PHLDB2: variants seen among roughly 807,000 people sequenced by gnomAD.
The protein encoded by PHLDB2 is pleckstrin homology like domain family B member 2.
Under a neutral mutation model 123.6 loss-of-function variants are expected in PHLDB2, and 71 were observed. The ratio of observed to expected loss-of-function variants is 0.57; its 90% CI spans 0.47 to 0.70. The LOEUF is 0.70. Ranked by LOEUF, PHLDB2 falls within the 30% of genes least tolerant of loss-of-function variation. The probability of loss-of-function intolerance (pLI) is 0.00; values close to 1 mark genes in which losing one functional copy is unlikely to be tolerated. For missense variants in PHLDB2, 1,446 were observed against 1,519.5 expected, an observed-to-expected ratio of 0.95 and a Z score of 0.80; for synonymous variants, 547 against 541.6, an observed-to-expected ratio of 1.01 and a Z score of -0.14.
At position 111,939,604 on chromosome 3, in the gene PHLDB2, T is replaced by C; in HGVS notation, c.2260T>C (p.Tyr754His). 3.1e-6 allele frequency: 5 copies of C among 1,612,178 alleles called. No individual in the cohort carries two copies. Among genetic ancestry groups the C allele is most frequent in the Non-Finnish European group, 4.2e-6 (5 of 1,179,514 alleles). The change falls in exon 7 of 18, where the codon TAT (tyrosine) becomes CAT (histidine). Residue 754 changes from tyrosine to histidine, a missense_variant. Tyr to His is a moderately conservative substitution (Grantham distance 83). Transcript: ENST00000431670. ...TQQLLREVAE[Y>H]QRNIVSRKEK... ...ACAGCTCCTGCGTGAAGTTGCTGAA[T>C]ATCAACGGAACATCGTTTCTAGAAA...
At chr3:111,753,931 G>C (rs965029907) in intron 1 of PHLDB2, among the ~76,000 whole-genome samples, 11 of 152,218 alleles carry the variant, frequency 7.2e-5, no homozygotes, top group Middle Eastern at 3.4e-3. Flanking sequence ...GCTTGTTTTT[G>C]TCAGGTTTGT....
intron 1 of PHLDB2, among the ~76,000 whole-genome samples, chr3:111,818,051 C>T (rs1309446417): frequency 6.6e-6 from 1 of 151,830 alleles, no homozygotes; most frequent in Admixed American, 6.6e-5. Flanking sequence ...AGATTGATCT[C>T]TTGTGAAAAA....
Position 111,966,631 on chromosome 3 carries a change from T to C in PHLDB2, c.3096T>C (p.Ile1032=), listed in dbSNP as rs758557096. Residue 1032 remains isoleucine (I), a synonymous_variant, in exon 14 of 18, where the codon ATT becomes ATC. Transcript: ENST00000431670. ...DNISSASTSN[I]ARIEEMERLL... ...CATTCAGTGCCAGCACTTCAAATAT[T>C]GCTAGAATAGAAGAAATGGAGAGAC... The C allele has an allele frequency of 1.1e-5, 18 of 1,612,886 alleles. No homozygotes were observed. In the African/African-American group the frequency reaches 1.9e-4, roughly 17 times the overall value.
intron 1 of PHLDB2, among the ~76,000 whole-genome samples, chr3:111,870,858 A>G (rs1037379413): frequency 6.6e-6 from 1 of 152,220 alleles, no homozygotes; most frequent in Non-Finnish European, 1.5e-5. Context: ...GTGGACCACC[A>G]GTGTGCGGGG....
rs145202946 is a variant in PHLDB2, at chr3:111,791,173, C to T, written c.-48-54648C>T. Among the ~76,000 whole-genome samples, 306 of 152,262 alleles carry T rather than the reference C, an allele frequency of 2.0e-3. 2 individuals are homozygous for T. Among genetic ancestry groups the T allele is most frequent in the African/African-American group, 7.0e-3 (290 of 41,538 alleles). On this transcript the variant is annotated intron_variant, in intron 1 of 17. Coordinates refer to the PHLDB2 transcript ENST00000393923. Reference sequence around the variant, plus strand: ...ACTGTAGGTGAATGTTTGTTCTTAACCAATATTCTTTTGTTATAATAAATT... The same window carrying T: ...ACTGTAGGTGAATGTTTGTTCTTAATCAATATTCTTTTGTTATAATAAATT...
At chr3:111,941,743 G>A (rs1032055032) in intron 8 of PHLDB2, among the ~76,000 whole-genome samples, 11 of 152,150 alleles carry the variant, frequency 7.2e-5, no homozygotes, top group African/African-American at 2.7e-4. Flanking sequence ...GGAGGCAGAG[G>A]TTTCAGTAAG....
At chr3:111,870,759 G>A (rs1350793605) in intron 1 of PHLDB2, among the ~76,000 whole-genome samples, 1 of 152,108 alleles carries the variant, frequency 6.6e-6, no homozygotes, top group African/African-American at 2.4e-5. Context: ...GCTCTAAGCT[G>A]ATGTCTGAAT....
intron 1 of PHLDB2, among the ~76,000 whole-genome samples, chr3:111,761,979 T>G (rs2060003416): frequency 6.6e-6 from 1 of 152,166 alleles, no homozygotes; most frequent in Non-Finnish European, 1.5e-5. Flanking sequence ...TATGTTCACC[T>G]AAAAGGGGCA....
intron 1 of PHLDB2, among the ~76,000 whole-genome samples, chr3:111,759,782 T>C (rs6784753): frequency 0.37 from 56,963 of 152,144 alleles, 13,042 homozygotes; most frequent in South Asian, 0.55. Flanking sequence ...GGCACACAGC[T>C]TACAAGAGAT....
intron 2 of PHLDB2, among the ~76,000 whole-genome samples, chr3:111,895,743 G>A (rs148600834): frequency 7.2e-5 from 11 of 152,220 alleles, no homozygotes; most frequent in Admixed American, 7.2e-4. Context: ...CAGCTACTTC[G>A]GAGGCTGAAG....
intron 1 of PHLDB2, among the ~76,000 whole-genome samples, chr3:111,840,823 A>G (rs1039193670): frequency 5.3e-5 from 8 of 152,250 alleles, no homozygotes; most frequent in Non-Finnish European, 1.2e-4. Flanking sequence ...ACACAATGTA[A>G]GCTCACGTAA....
intron 1 of PHLDB2, among the ~76,000 whole-genome samples, chr3:111,822,315 G>GTATA (rs765782041): frequency 1.9e-3 from 275 of 147,378 alleles, no homozygotes; most frequent in African/African-American, 6.8e-3. Context: ...GTGTGTGTGT[G>GTATA]TGTATATATA....
chr3:111,940,035 T>C (rs1487543866), intron 7 of PHLDB2, among the ~76,000 whole-genome samples: 2 of 152,196 alleles, frequency 1.3e-5, no homozygotes, highest in Non-Finnish European at 2.9e-5. Flanking sequence ...TAGAATGCCA[T>C]GTGGATTACT....
At chr3:111,939,382 T>A in intron 6 of PHLDB2, 93 bp from the exon 7 acceptor site, 2 of 1,311,182 alleles carry the variant, frequency 1.5e-6, no homozygotes, top group South Asian at 2.9e-5. Flanking sequence ...TGGAAAGATA[T>A]CTTGGACCAA....
chr3:111,954,033 C>T lies in PHLDB2; in HGVS notation c.2872+4C>T, dbSNP rs9850011. ...GAATCTCGGAGGATGCTCAGAGGTA[C>T]GTACCTTTTAAATCAAGTGTCATGG... is the stretch of plus-strand genomic sequence containing the variant. On this transcript the variant is annotated splice_donor_region_variant and intron_variant, in intron 12 of 17. Coordinates refer to ENST00000431670, the MANE Select transcript of PHLDB2 (RefSeq NM_001134438.2). The T allele has an allele frequency of 1.5e-3, 2,337 of 1,611,170 alleles. 20 individuals carry two copies. The African/African-American group carries it at 0.026, about 18-fold the overall frequency.
At chr3:111,817,241 T>C (rs6438018) in intron 1 of PHLDB2, among the ~76,000 whole-genome samples, 66,068 of 151,996 alleles carry the variant, frequency 0.43, 15,053 homozygotes, top group African/African-American at 0.55. Flanking sequence ...CCTCTCACTA[T>C]GCCCCACCTC....
chr3:111,885,230 T>G lies in PHLDB2; in HGVS notation c.1153T>G (p.Cys385Gly). The G allele has an allele frequency of 6.2e-7, 1 of 1,614,108 alleles. No homozygotes were observed. Reference sequence around the variant, plus strand: ...TTTTGCGACCAGGAGGAACTTCTCTTGTGGATCTGTGGAATTTGATGAGGC... The same window carrying G: ...TTTTGCGACCAGGAGGAACTTCTCTGGTGGATCTGTGGAATTTGATGAGGC... The part of the protein sequence containing the change: ...RVFATRRNFS[C>G]GSVEFDEADL... Residue 385 changes from cysteine (C) to glycine (G), a missense_variant, in exon 2 of 18, where the codon TGT becomes GGT. This residue lies in a region of PHLDB2 where 832 missense variants were observed against 831.9 expected (regional missense o/e 1.00). Transcript: ENST00000431670.
chr3:111,965,469 A>G (rs1247585207), intron 13 of PHLDB2, among the ~76,000 whole-genome samples: 1 of 152,248 alleles, frequency 6.6e-6, no homozygotes, highest in Non-Finnish European at 1.5e-5. Context: ...TTACAAAAAT[A>G]TAATTTGAGA....
intron 2 of PHLDB2, among the ~76,000 whole-genome samples, chr3:111,893,288 G>A (rs1002371571): frequency 2.5e-4 from 38 of 150,146 alleles, no homozygotes; most frequent in East Asian, 2.2e-3. Flanking sequence ...CTTAAGTATT[G>A]AAAACTATTT....
Sources: allele counts gnomAD v4.1 joint callset (sites outside exome capture counted in the v4.1 genomes callset), GRCh38; gene constraint gnomAD v4.1.1; regional missense constraint gnomAD v4.1.1; transcripts MANE v1.5; gene names NCBI Gene and HGNC (gene_info 2026-07-23, HGNC 2026-07-21).